Variants in FECH observed in about 807,000 individuals in gnomAD.
FECH encodes ferrochelatase.
In FECH, 40 loss-of-function variants were observed where a neutral mutation model predicts 56.9. The observed-to-expected ratio is 0.70, with a 90% CI of 0.55 to 0.92. The LOEUF is 0.92. FECH is among the 40% of genes least tolerant of loss of function. The probability of loss-of-function intolerance (pLI) is 0.00; values close to 1 mark genes in which losing one functional copy is unlikely to be tolerated. For synonymous variants in FECH, 175 were observed against 198.6 expected (o/e 0.88, Z 1.00); for missense variants, 431 against 529.1 (o/e 0.81, Z 1.82).
intron 5 of FECH, among the ~76,000 whole-genome samples, chr18:57,565,743 C>A (rs1347011480): frequency 6.6e-6 from 1 of 152,094 alleles, no homozygotes; most frequent in African/African-American, 2.4e-5. Context: ...ACATTAATAT[C>A]CAAAAGCAAT....
rs928332853 is a variant in FECH at position 57,567,878 on chromosome 18, T to G, written c.464-1297A>C. 2.0e-5 allele frequency: 3 copies of G among 152,190 alleles called. 1 individual carries two copies. In the South Asian group the frequency reaches 6.2e-4, roughly 32 times the overall value. 9.4% of individuals were successfully genotyped at this position (152,190 alleles called of 1,614,324 possible). On this transcript the variant is annotated intron_variant, in intron 4 of 10. Coordinates refer to ENST00000262093, the MANE Select transcript of FECH (RefSeq NM_000140.5). ...GACTCAGTATTCTCTGGTTGGGTAC[T>G]GCAAAAAAGAAGAAGGAAGTAAAAC...
chr18:57,560,173 A>C (rs912761966), intron 6 of FECH, among the ~76,000 whole-genome samples: 3 of 152,242 alleles, frequency 2.0e-5, no homozygotes, highest in African/African-American at 7.2e-5. Flanking sequence ...GTTATGTAAG[A>C]GAATATTCCT....
At chr18:57,571,330 T>C (rs1371300270) in intron 4 of FECH, 62 bp downstream of exon 4, 67 of 1,566,790 alleles carry the variant, frequency 4.3e-5, no homozygotes, top group Non-Finnish European at 5.5e-5. Context: ...ACTACTCTTT[T>C]GAATTTCATA....
chr18:57,571,508 G>T lies in FECH; in HGVS notation c.347C>A (p.Thr116Asn), dbSNP rs149882219. The change falls in exon 4 of 11, where the codon ACC (threonine) becomes AAC (asparagine). Residue 116 changes from threonine (T) to asparagine (N), a missense_variant. Physicochemically the swap from Thr to Asn is moderately conservative, Grantham distance 65 (BLOSUM62 0). Transcript: ENST00000262093. ...KLAPFIAKRR[T>N]PKIQEQYRRI... ...GCGGTACTGCTCTTGAATCTTGGGGGTTCGGCGTTTGGCGATGAATGGTGC... is the reference window on the plus strand; with the variant it reads ...GCGGTACTGCTCTTGAATCTTGGGGTTTCGGCGTTTGGCGATGAATGGTGC... The T allele has an allele frequency of 6.2e-7, 1 of 1,613,960 alleles. No individual in the cohort carries two copies. Among genetic ancestry groups the T allele is most frequent in the Non-Finnish European group, 8.5e-7 (1 of 1,180,004 alleles).
intron 4 of FECH, 94 bp from the exon 5 acceptor site, chr18:57,566,675 C>G: frequency 6.8e-7 from 1 of 1,476,930 alleles, no homozygotes. Flanking sequence ...GAACAAAGAA[C>G]AGTTCATGTA....
In FECH at chr18:57,551,299, G is replaced by T. The variant is rs746593629; in HGVS notation, c.1137+16C>A. The T allele has an allele frequency of 1.3e-5, 21 of 1,588,846 alleles. No individual in the cohort carries two copies. The highest frequency in any genetic ancestry group is 8.3e-5 in the Admixed American group (5 of 59,952). The stretch of plus-strand genomic sequence containing the variant: ...TCTGGTATGTTCTACTAAAACGATT[G>T]TAACACTGTAGATACCTTAGAGAAC... On this transcript the variant is annotated intron_variant, in intron 10 of 10. Coordinates refer to ENST00000262093, the MANE Select transcript of FECH (RefSeq NM_000140.5).
At chr18:57,581,218 T>G (rs2051272882) in intron 1 of FECH, among the ~76,000 whole-genome samples, 1 of 152,182 alleles carries the variant, frequency 6.6e-6, no homozygotes, top group African/African-American at 2.4e-5. Flanking sequence ...TATTTCCCAG[T>G]TTGTTAGCTT....
intron 4 of FECH, among the ~76,000 whole-genome samples, chr18:57,569,698 G>A (rs2051068224): frequency 6.6e-6 from 1 of 151,764 alleles, no homozygotes; most frequent in Non-Finnish European, 1.5e-5. Context: ...GCTGGGGTGT[G>A]CCCCACCCCC....
chr18:57,563,842 G>A (rs913756067), intron 5 of FECH, among the ~76,000 whole-genome samples: 4 of 151,914 alleles, frequency 2.6e-5, no homozygotes, highest in African/African-American at 9.7e-5. Context: ...TTAATATTAT[G>A]AAATAAATAT....
chr18:57,552,412 A>T (rs933625815), intron 9 of FECH, among the ~76,000 whole-genome samples: 7 of 148,276 alleles, frequency 4.7e-5, no homozygotes, highest in South Asian at 2.2e-4. Flanking sequence ...TTATTTATTT[A>T]TTTTTTGAGA....
At chr18:57,566,382 T>TA in intron 5 of FECH, 65 bp downstream of exon 5, 1 of 1,610,686 alleles carries the variant, frequency 6.2e-7, no homozygotes, top group Non-Finnish European at 8.5e-7. Context: ...CTTCAGTACT[T>TA]AGACTCCTTG....
Position 57,548,219 on chromosome 18 carries a change from C to G in FECH, c.*2493G>C, listed in dbSNP as rs1198757425. On this transcript the variant is annotated 3_prime_UTR_variant, in exon 11 of 11. Transcript: ENST00000262093. ...TGAGCCGAGATCGCACCACTGCCCT[C>G]CAGCCTGGGTGACATAGCAAGACTC... 1 of 150,766 alleles carries G rather than the reference C, an allele frequency of 6.6e-6. No homozygotes were observed. Among genetic ancestry groups the G allele is most frequent in the Non-Finnish European group, 1.5e-5 (1 of 67,920 alleles). The allele number at this position is 150,766 out of a possible 1,614,324, so 9.3% of individuals were successfully genotyped here.
rs1356965294 is a variant in FECH at position 57,571,439 on chromosome 18, T to A, written c.416A>T (p.Gln139Leu). Residue 139 changes from glutamine to leucine, a missense_variant, in exon 4 of 11, where the codon CAG (glutamine) becomes CTG (leucine). By Grantham distance (113) the Gln-to-Leu change is moderately radical. Transcript: ENST00000262093. Reference protein sequence around the residue: ...GSPIKIWTSKQGEGMVKLLDE... With the variant: ...GSPIKIWTSKLGEGMVKLLDE... ...CAGCAGCTTCACCATGCCCTCTCCC[T>A]GCTTGGAAGTCCATATCTTGATGGG... 18 of 1,613,912 alleles carry A rather than the reference T, an allele frequency of 1.1e-5. No homozygotes were observed. The highest frequency in any genetic ancestry group is 1.4e-5 in the Non-Finnish European group (17 of 1,180,036).
chr18:57,558,985 T>TCATTG (rs2050903641), intron 7 of FECH, among the ~76,000 whole-genome samples, 160 bp downstream of exon 7: 1 of 152,200 alleles, frequency 6.6e-6, no homozygotes, highest in Non-Finnish European at 1.5e-5. Flanking sequence ...GTTACGAGGT[T>TCATTG]TTAAGAAGTG....
In FECH at chr18:57,566,519, C is replaced by T. The variant is rs1568148623; in HGVS notation, c.526G>A (p.Glu176Lys). The T allele has an allele frequency of 6.2e-7, 1 of 1,614,190 alleles. No homozygotes were observed. Residue 176 changes from glutamate to lysine, a missense_variant, in exon 5 of 11, where the codon GAG (glutamate) becomes AAG (lysine). Physicochemically the swap from Glu to Lys is moderately conservative, Grantham distance 56. Coordinates refer to ENST00000262093, the MANE Select transcript of FECH (RefSeq NM_000140.5). ...VHPLTEEAIE[E>K]MERDGLERAI... ...CTTTCTAGGCCATCTCTCTCCATCT[C>T]TTCAATTGCTTCTTCTGTTAAAGGA...
rs1346565425 is a variant in FECH, at chr18:57,566,362, T to G, written c.598+85A>C. On this transcript the variant is annotated intron_variant, in intron 5 of 10. Coordinates refer to ENST00000262093, the MANE Select transcript of FECH (RefSeq NM_000140.5). Reference sequence around the variant, plus strand: ...ATTTGCCATTCAAATTGCAAATAATTCATCCTTCCCTTCAGTACTTAGACT... The same window carrying G: ...ATTTGCCATTCAAATTGCAAATAATGCATCCTTCCCTTCAGTACTTAGACT... The G allele has an allele frequency of 3.2e-6, 5 of 1,586,912 alleles. No homozygotes were observed. The East Asian group carries it at 1.1e-4, about 35-fold the overall frequency.
In FECH at chr18:57,546,806, A is replaced by C. The variant is rs1325418631; in HGVS notation, c.*3906T>G. The stretch of plus-strand genomic sequence containing the variant: ...AGGCCCCATCTCTACTAAAAATACA[A>C]AAATTAGCCGGGCATGGTGGCACAC... On this transcript the variant is annotated 3_prime_UTR_variant, in exon 11 of 11. Transcript: ENST00000262093. 6.6e-6 allele frequency among the ~76,000 whole-genome samples: 1 copy of C among 151,524 alleles called. No homozygotes were observed. Among genetic ancestry groups the C allele is most frequent in the East Asian group, 2.0e-4 (1 of 5,112 alleles).
intron 6 of FECH, among the ~76,000 whole-genome samples, chr18:57,560,053 T>C (rs1186614841): frequency 1.3e-5 from 2 of 152,180 alleles, no homozygotes; most frequent in South Asian, 2.1e-4. Flanking sequence ...TATAAAAAAA[T>C]GCTACAAAAG....
At chr18:57,551,658 A>G (rs1341386860) in intron 9 of FECH, among the ~76,000 whole-genome samples, 1 of 152,142 alleles carries the variant, frequency 6.6e-6, no homozygotes, top group Non-Finnish European at 1.5e-5. Flanking sequence ...GTTACACTTG[A>G]TGAAATTCTC....
Sources: gnomAD v4.1 joint callset for allele counts (sites outside exome capture counted in the v4.1 genomes callset) on GRCh38, gnomAD v4.1.1 for gene constraint, MANE v1.5 for transcripts, NCBI Gene and HGNC (gene_info 2026-07-23, HGNC 2026-07-21) for gene names.